Variants in SLC35A5 observed in about 807,000 individuals in gnomAD.
SLC35A5 encodes the protein UDP-sugar transporter protein SLC35A5.
A neutral mutation model predicts 36.3 loss-of-function variants in SLC35A5; 28 were observed. That is an observed-to-expected ratio of 0.77 (90% CI 0.57 to 1.06). The LOEUF is 1.06. Ranked by LOEUF, SLC35A5 falls within the 50% of genes least tolerant of loss-of-function variation. The pLI is 0.00. For missense variants in SLC35A5, 521 were observed against 499.3 expected, an observed-to-expected ratio of 1.04 and a Z score of -0.41; for synonymous variants, 180 against 173.7, an observed-to-expected ratio of 1.04 and a Z score of -0.29.
chr3:112,561,892 C>A, upstream of SLC35A5: 1 of 255,240 alleles, frequency 3.9e-6, no homozygotes. Flanking sequence ...TTCACTCGCG[C>A]CCCTTCCGGC....
chr3:112,563,151 G>A (rs1934014665), intron 1 of SLC35A5, among the ~76,000 whole-genome samples: 2 of 152,204 alleles, frequency 1.3e-5, no homozygotes, highest in South Asian at 4.1e-4. Flanking sequence ...TTGCTCACCT[G>A]CTACCTTTGT....
At chr3:112,576,122 AT>A (rs34538509) in intron 5 of SLC35A5, among the ~76,000 whole-genome samples, 6,354 of 145,444 alleles carry the variant, frequency 0.044, 245 homozygotes, top group Admixed American at 0.11. Flanking sequence ...TGCCATCTTA[AT>A]TTTTTTTTTT....
Position 112,580,913 on chromosome 3 carries a change from A to G in SLC35A5, c.796A>G (p.Ile266Val), listed in dbSNP as rs1402503994. ...GAACCAGCTCACTGAAAGCATCTTCATACAGAACAGCAAACTCTATTTCTT... is the reference window on the plus strand; with the variant it reads ...GAACCAGCTCACTGAAAGCATCTTCGTACAGAACAGCAAACTCTATTTCTT... ...EGNQLTESIF[I>V]QNSKLYFFGI... Residue 266 changes from isoleucine to valine, a missense_variant, in exon 6 of 7, where the codon ATA becomes GTA. Physicochemically the swap from Ile to Val is conservative, Grantham distance 29. Transcript: ENST00000492406. 1.9e-6 allele frequency: 3 copies of G among 1,614,194 alleles called. No homozygotes were observed. The highest frequency in any genetic ancestry group is 2.5e-6 in the Non-Finnish European group (3 of 1,180,002).
intron 4 of SLC35A5, among the ~76,000 whole-genome samples, chr3:112,572,754 G>T (rs956860666): frequency 6.6e-6 from 1 of 152,200 alleles, no homozygotes; most frequent in Non-Finnish European, 1.5e-5. Context: ...GAGCTCTGAT[G>T]TTTTTATTTT....
At chr3:112,572,338 ATATAC>A (rs1934486406) in intron 4 of SLC35A5, among the ~76,000 whole-genome samples, 1 of 151,982 alleles carries the variant, frequency 6.6e-6, no homozygotes, top group Non-Finnish European at 1.5e-5. Context: ...AATAATAATA[ATATAC>A]TAGTTCAAAG....
At chr3:112,561,500 C>T, upstream of SLC35A5, 3 of 1,613,116 alleles carry the variant, frequency 1.9e-6, no homozygotes, top group Non-Finnish European at 2.5e-6. Flanking sequence ...CAGTGCCTTT[C>T]CCTTCACAGT....
At chr3:112,581,391 GA>G (rs1282227547) in intron 6 of SLC35A5, 65 bp downstream of exon 6, 4 of 1,472,576 alleles carry the variant, frequency 2.7e-6, no homozygotes, top group Non-Finnish European at 2.7e-6. Flanking sequence ...TTAATTCAAG[GA>G]AAAAAATAAA....
At chr3:112,580,257 C>T (rs1934845711) in intron 5 of SLC35A5, among the ~76,000 whole-genome samples, 1 of 152,142 alleles carries the variant, frequency 6.6e-6, no homozygotes, top group South Asian at 2.1e-4. Flanking sequence ...TCCAGGATAC[C>T]TCTAGAGGTA....
chr3:112,561,670 G>A (rs1223124060), upstream of SLC35A5: 1 of 824,646 alleles, frequency 1.2e-6, no homozygotes, highest in Non-Finnish European at 1.9e-6. Context: ...GGGACGCGAC[G>A]CGACGGGACG....
chr3:112,585,343 G>C lies in SLC35A5; in HGVS notation c.*2607G>C, dbSNP rs1935105385. ...CCTGGTTCCTTCCTCAACACCTGGG[G>C]ATTATGGGGATTACAATTCAAGATG... On this transcript the variant is annotated 3_prime_UTR_variant, in exon 7 of 7. Transcript: ENST00000492406. 1 of 152,100 alleles carries C rather than the reference G, an allele frequency of 6.6e-6. No individual in the cohort carries two copies. The highest frequency in any genetic ancestry group is 1.5e-5 in the Non-Finnish European group (1 of 68,034). The allele number at this position is 152,100 out of a possible 1,614,324, so 9.4% of individuals were successfully genotyped here.
intron 2 of SLC35A5, among the ~76,000 whole-genome samples, chr3:112,568,096 G>C (rs1423205018): frequency 6.6e-6 from 1 of 152,222 alleles, no homozygotes; most frequent in Non-Finnish European, 1.5e-5. Context: ...TCCATTTCTT[G>C]TAAGGATCTT....
At position 112,585,368 on chromosome 3, in the gene SLC35A5, G is replaced by T. The variant is rs1043345155; in HGVS notation, c.*2632G>T. ...GATTATGGGGATTACAATTCAAGAT[G>T]AGATTTGGGCGGGGACAGAAAGCCT... On this transcript the variant is annotated 3_prime_UTR_variant, in exon 7 of 7. Transcript: ENST00000492406. The T allele has an allele frequency of 2.6e-5, 4 of 152,130 alleles. No individual in the cohort carries two copies. The highest frequency in any genetic ancestry group is 5.9e-5 in the Non-Finnish European group (4 of 68,032). The allele number at this position is 152,130 out of a possible 1,614,324, so 9.4% of individuals were successfully genotyped here.
intron 3 of SLC35A5, among the ~76,000 whole-genome samples, chr3:112,569,615 A>G (rs1934350351): frequency 6.6e-6 from 1 of 152,204 alleles, no homozygotes; most frequent in South Asian, 2.1e-4. Flanking sequence ...ATCATATTTC[A>G]AAATAGTTCC....
In SLC35A5 at chr3:112,583,147, A is replaced by G. The variant is rs1935009462; in HGVS notation, c.*411A>G. 1 of 399,228 alleles carries G rather than the reference A, an allele frequency of 2.5e-6. No homozygotes were observed. The highest frequency in any genetic ancestry group is 4.4e-6 in the Non-Finnish European group (1 of 226,536). The allele number at this position is 399,228 out of a possible 1,614,324, so 24.7% of individuals were successfully genotyped here. A position where few individuals can be genotyped will look rare whatever the true frequency, so the allele number is the denominator to read the frequency against. Reference sequence around the variant, plus strand: ...GCCAAAGTCTTCCCTTTTTAACATTATAAAAGCTAGGTTGTCTCTTGAATT... The same window carrying G: ...GCCAAAGTCTTCCCTTTTTAACATTGTAAAAGCTAGGTTGTCTCTTGAATT... On this transcript the variant is annotated 3_prime_UTR_variant, in exon 7 of 7. Transcript: ENST00000492406.
At chr3:112,575,758 CTTTT>C (rs36050657) in intron 5 of SLC35A5, among the ~76,000 whole-genome samples, 2 of 128,164 alleles carry the variant, frequency 1.6e-5, no homozygotes, top group African/African-American at 6.3e-5. Flanking sequence ...TATTTTATTA[CTTTT>C]TTTTTTTTTT....
chr3:112,582,804 T>C lies in SLC35A5; in HGVS notation c.*68T>C. On this transcript the variant is annotated 3_prime_UTR_variant, in exon 7 of 7. Transcript: ENST00000492406. ...ACATTTTCAGTGTTTGTAATATTTA[T>C]CTTTTCACTTTGATAAACCAGAAAT... 2 of 1,289,438 alleles carry C rather than the reference T, an allele frequency of 1.6e-6. No individual in the cohort carries two copies. The highest frequency in any genetic ancestry group is 2.2e-6 in the Non-Finnish European group (2 of 897,844). 79.9% of individuals were successfully genotyped at this position (1,289,438 alleles called of 1,614,324 possible). A position where few individuals can be genotyped will look rare whatever the true frequency, so the allele number is the denominator to read the frequency against.
chr3:112,567,418 G>A (rs1157088875), intron 2 of SLC35A5, among the ~76,000 whole-genome samples: 3 of 151,966 alleles, frequency 2.0e-5, no homozygotes, highest in Admixed American at 1.3e-4. Flanking sequence ...TCAGCCTCCC[G>A]AATAGCTGAG....
Position 112,580,859 on chromosome 3 carries a change from A to G in SLC35A5, c.742A>G (p.Ile248Val), listed in dbSNP as rs1264713893. The change falls in exon 6 of 7, where the codon ATC (isoleucine) becomes GTC (valine). Residue 248 changes from isoleucine to valine, a missense_variant. Ile to Val is a conservative substitution (Grantham distance 29). Coordinates refer to ENST00000492406, the MANE Select transcript of SLC35A5 (RefSeq NM_017945.5). ...VQCFISSMAN[I>V]YNEKILKEGN... ...GTGTTTTATTTCTTCAATGGCTAAT[A>G]TCTATAATGAAAAGATACTGAAGGA... is the stretch of plus-strand genomic sequence containing the variant. The G allele has an allele frequency of 6.2e-7, 1 of 1,614,180 alleles. No individual in the cohort carries two copies.
intron 1 of SLC35A5, among the ~76,000 whole-genome samples, chr3:112,563,158 T>G (rs981749764): frequency 6.6e-6 from 1 of 152,252 alleles, no homozygotes; most frequent in South Asian, 2.1e-4. Flanking sequence ...CCTGCTACCT[T>G]TGTCAGCAGG....
Sources: gnomAD v4.1 joint callset for allele counts (sites outside exome capture counted in the v4.1 genomes callset) on GRCh38, gnomAD v4.1.1 for gene constraint, MANE v1.5 for transcripts, NCBI Gene and HGNC (gene_info 2026-07-23, HGNC 2026-07-21) for gene names.